Variants in ASPH observed in about 807,000 individuals in gnomAD.
ASPH encodes aspartyl/asparaginyl beta-hydroxylase.
In ASPH, 100 loss-of-function variants were observed where a neutral mutation model predicts 118.4. The observed-to-expected ratio is 0.84, with a 90% CI of 0.72 to 1.00. The LOEUF (loss-of-function observed/expected upper bound fraction) is 1.00, where lower values mean the gene tolerates loss of function less well. ASPH is among the 50% of genes least tolerant of loss of function. The pLI is 0.00. For missense variants in ASPH, 920 were observed against 919.5 expected (o/e 1.00, Z -0.01); for synonymous variants, 315 against 325.6 (o/e 0.97, Z 0.35).
rs746810996 is a variant in ASPH at position 61,684,048 on chromosome 8, C to T, written c.244G>A (p.Glu82Lys). The change falls in exon 2 of 25, where the codon GAA (glutamate) becomes AAA (lysine). Residue 82 changes from glutamate (E) to lysine (K), a missense_variant. Physicochemically the swap from Glu to Lys is moderately conservative, Grantham distance 56. Transcript: ENST00000379454. ...ATATCAAAATTCTTACCTAGAACTTCCTCATAGTCAACAAGATCAAACCAA... is the reference window on the plus strand; with the variant it reads ...ATATCAAAATTCTTACCTAGAACTTTCTCATAGTCAACAAGATCAAACCAA... The part of the protein sequence containing the change: ...VVWFDLVDYE[E>K]VLGKLGIYDA... 1.9e-6 allele frequency: 3 copies of T among 1,613,492 alleles called. No homozygotes were observed. The highest frequency in any genetic ancestry group is 2.2e-5 in the South Asian group (2 of 91,052).
chr8:61,520,533 T>G (rs1055953249), intron 22 of ASPH, among the ~76,000 whole-genome samples: 12 of 152,234 alleles, frequency 7.9e-5, no homozygotes, highest in African/African-American at 2.9e-4. Flanking sequence ...CTAAGTAACC[T>G]TTTTGGCTCT....
chr8:61,589,589 C>T (rs1447722546), intron 14 of ASPH, among the ~76,000 whole-genome samples: 1 of 152,174 alleles, frequency 6.6e-6, no homozygotes, highest in East Asian at 1.9e-4. Flanking sequence ...CTCTTCCTTA[C>T]CAGCCACCAG....
chr8:61,509,136 G>GAAA (rs141233481), intron 24 of ASPH, among the ~76,000 whole-genome samples: 2,352 of 152,224 alleles, frequency 0.015, 58 homozygotes, highest in African/African-American at 0.054. Context: ...AAAAGAAGGG[G>GAAA]AAAAGGGAAA....
chr8:61,592,159 GATA>G (rs558582783), intron 14 of ASPH, among the ~76,000 whole-genome samples: 244 of 152,274 alleles, frequency 1.6e-3, no homozygotes, highest in African/African-American at 5.5e-3. Flanking sequence ...ACGAAATGGG[GATA>G]ATATCTGACC....
intron 21 of ASPH, among the ~76,000 whole-genome samples, chr8:61,535,166 G>A (rs1029193816): frequency 6.6e-5 from 10 of 152,174 alleles, no homozygotes; most frequent in African/African-American, 2.2e-4. Flanking sequence ...TTCTGAGGTC[G>A]TGGGGAGTAG....
Position 61,567,366 on chromosome 8 carries a change from T to A in ASPH, c.1150-48A>T, listed in dbSNP as rs61226013. 0.069 allele frequency: 107,325 copies of A among 1,547,144 alleles called. 5,339 individuals are homozygous for A. The highest frequency in any genetic ancestry group is 0.28 in the East Asian group (12,109 of 42,980). On this transcript the variant is annotated intron_variant, in intron 16 of 24. Coordinates refer to ENST00000379454, the MANE Select transcript of ASPH (RefSeq NM_004318.4). ...ATAAATGTCCCATGACTAGCTGTGT[T>A]TGTAATTACCCAAAATATTCATAAA...
intron 18 of ASPH, among the ~76,000 whole-genome samples, chr8:61,557,456 A>T (rs996456652): frequency 1.5e-4 from 23 of 152,096 alleles, no homozygotes; most frequent in African/African-American, 4.8e-4. Flanking sequence ...CTTCCGCCAG[A>T]CATCCCCACA....
chr8:61,578,941 A>C, intron 15 of ASPH: 1 of 1,611,550 alleles, frequency 6.2e-7, no homozygotes, highest in Non-Finnish European at 8.5e-7. Flanking sequence ...CAGATCTCGG[A>C]CACATCTGTG....
At chr8:61,688,144 CT>C (rs1196940955) in intron 1 of ASPH, among the ~76,000 whole-genome samples, 2 of 152,118 alleles carry the variant, frequency 1.3e-5, no homozygotes, top group Non-Finnish European at 2.9e-5. Context: ...AAACCAGTAT[CT>C]TGTTCCAAAG....
chr8:61,658,534 C>A (rs1481783191), intron 3 of ASPH: 1 of 152,146 alleles, frequency 6.6e-6, no homozygotes, highest in Non-Finnish European at 1.5e-5. Context: ...CATTTGAATT[C>A]TATCTCAGTG....
intron 14 of ASPH, among the ~76,000 whole-genome samples, chr8:61,593,149 A>G (rs920715244): frequency 1.3e-5 from 2 of 152,084 alleles, no homozygotes; most frequent in East Asian, 1.9e-4. Flanking sequence ...GAGACATGCT[A>G]TTTGCTGTTG....
chr8:61,665,481 C>T, intron 3 of ASPH: 2 of 1,568,096 alleles, frequency 1.3e-6, no homozygotes, highest in Non-Finnish European at 1.7e-6. Context: ...AGGTCTGCAT[C>T]AGCAATTTTC....
intron 21 of ASPH, among the ~76,000 whole-genome samples, chr8:61,542,787 T>C (rs1822422541): frequency 6.6e-6 from 1 of 152,166 alleles, no homozygotes; most frequent in Non-Finnish European, 1.5e-5. Flanking sequence ...GCAAGAAATA[T>C]TGGCTAGCAT....
rs192882042 is a variant in ASPH, at chr8:61,597,881, G to C, written c.977-13852C>G. On this transcript the variant is annotated intron_variant, in intron 14 of 24. Transcript: ENST00000379454. ...CCAGCCCTACAAGAAATGCCTAAGA[G>C]GGTCCTATATCTGGAAGGAAAAGGA... 2.6e-3 allele frequency among the ~76,000 whole-genome samples: 396 copies of C among 152,244 alleles called. 2 individuals are homozygous for C. Among genetic ancestry groups the C allele is most frequent in the African/African-American group, 8.2e-3 (340 of 41,552 alleles).
chr8:61,714,010 G>C (rs1439194429), intron 1 of ASPH, among the ~76,000 whole-genome samples: 2 of 152,254 alleles, frequency 1.3e-5, no homozygotes, highest in African/African-American at 4.8e-5. Flanking sequence ...GCTGCGCCCT[G>C]CAGGTGAAGG....
intron 1 of ASPH, among the ~76,000 whole-genome samples, chr8:61,696,672 G>C (rs16927774): frequency 0.2 from 27,033 of 138,526 alleles, 2,525 homozygotes; most frequent in South Asian, 0.36. Context: ...AAAAAAAAAA[G>C]CATTCCTCTG....
Position 61,555,962 on chromosome 8 carries a change from C to A in ASPH, c.1498G>T (p.Ala500Ser). 6.2e-7 allele frequency: 1 copy of A among 1,613,988 alleles called. No individual in the cohort carries two copies. Among genetic ancestry groups the A allele is most frequent in the East Asian group, 2.2e-5 (1 of 44,866 alleles). Residue 500 changes from alanine to serine, a missense_variant, in exon 19 of 25, where the codon GCA (alanine) becomes TCA (serine). Physicochemically the swap from Ala to Ser is moderately conservative, Grantham distance 99 (BLOSUM62 1). Transcript: ENST00000379454. ...ATGCTCTCAGCAATTTTGTTCTGTG[C>A]CTTCAGGATGAAGCCATAATGGACT... The part of the protein sequence containing the change: ...AKVHYGFILK[A>S]QNKIAESIPY...
intron 13 of ASPH, among the ~76,000 whole-genome samples, chr8:61,622,557 C>G (rs1851353723): frequency 6.6e-6 from 1 of 152,226 alleles, no homozygotes; most frequent in East Asian, 1.9e-4. Context: ...CCCAGACTGA[C>G]CAGTCCTCAC....
At chr8:61,658,523 C>A (rs1198118369) in intron 3 of ASPH, 1 of 152,112 alleles carries the variant, frequency 6.6e-6, no homozygotes, top group African/African-American at 2.4e-5. Context: ...CCTTTGAATT[C>A]CATTTGAATT....
Sources: gnomAD v4.1 joint callset for allele counts (sites outside exome capture counted in the v4.1 genomes callset) on GRCh38, gnomAD v4.1.1 for gene constraint, MANE v1.5 for transcripts, NCBI Gene and HGNC (gene_info 2026-07-23, HGNC 2026-07-21) for gene names.